Variants in DNAJC5B observed in about 807,000 individuals in gnomAD.
DNAJC5B encodes the protein DnaJ heat shock protein family (Hsp40) member C5 beta.
A neutral mutation model predicts 24.7 loss-of-function variants in DNAJC5B; 23 were observed. The observed-to-expected ratio is 0.93, with a 90% CI of 0.67 to 1.32. The LOEUF is 1.32. Among genes scored for constraint, DNAJC5B ranks in the 40% most tolerant of loss-of-function variants. The pLI is 0.00. For missense variants in DNAJC5B, 238 were observed against 240.8 expected, an observed-to-expected ratio of 0.99 and a Z score of 0.08; for synonymous variants, 101 against 90.1, an observed-to-expected ratio of 1.12 and a Z score of -0.68.
At position 66,100,494 on chromosome 8, in the gene DNAJC5B, A is replaced by G. The variant is rs900251205; in HGVS notation, c.*463A>G. 4 of 152,342 alleles carry G rather than the reference A, an allele frequency of 2.6e-5. No homozygotes were observed. Among genetic ancestry groups the G allele is most frequent in the Admixed American group, 2.0e-4 (3 of 15,290 alleles). The allele number at this position is 152,342 out of a possible 1,614,324, so 9.4% of individuals were successfully genotyped here. ...GGAGCCTCTTCCGTGTCAATATTCA[A>G]TAAAGTTATAGAAATGTTTCAAGAG... On this transcript the variant is annotated 3_prime_UTR_variant, in exon 6 of 6. Coordinates refer to ENST00000276570, the MANE Select transcript of DNAJC5B (RefSeq NM_033105.6).
intron 3 of DNAJC5B, among the ~76,000 whole-genome samples, chr8:66,073,191 A>G (rs948633970): frequency 6.6e-6 from 1 of 152,166 alleles, no homozygotes; most frequent in African/African-American, 2.4e-5. Flanking sequence ...GAAGAATAAA[A>G]AAATCAACAT....
At chr8:66,037,659 A>C (rs1157734312) in intron 1 of DNAJC5B, among the ~76,000 whole-genome samples, 1 of 152,234 alleles carries the variant, frequency 6.6e-6, no homozygotes, top group Non-Finnish European at 1.5e-5. Context: ...CCTTCCGATG[A>C]CACTCAGCAG....
At chr8:66,090,148 C>A (rs1807815324) in intron 5 of DNAJC5B, among the ~76,000 whole-genome samples, 1 of 152,142 alleles carries the variant, frequency 6.6e-6, no homozygotes, top group South Asian at 2.1e-4. Context: ...TTGAAGGCCA[C>A]AATGAAATCA....
intron 5 of DNAJC5B, among the ~76,000 whole-genome samples, chr8:66,087,856 C>T (rs112557700): frequency 5.3e-4 from 80 of 152,292 alleles, no homozygotes; most frequent in African/African-American, 1.8e-3. Context: ...GCTGCCTTTC[C>T]CAGCTGGCAT....
chr8:66,092,200 A>C (rs776334881), intron 5 of DNAJC5B, among the ~76,000 whole-genome samples: 1 of 152,234 alleles, frequency 6.6e-6, no homozygotes, highest in African/African-American at 2.4e-5. Context: ...CAAAATATAT[A>C]GTAGGGGAGA....
chr8:66,091,500 T>C (rs948965118), intron 5 of DNAJC5B, among the ~76,000 whole-genome samples: 28 of 152,136 alleles, frequency 1.8e-4, no homozygotes, highest in Admixed American at 1.8e-3. Context: ...TTCTTGTGGA[T>C]AAGATGGTGA....
chr8:66,051,761 C>T, intron 3 of DNAJC5B, 95 bp downstream of exon 3: 1 of 882,290 alleles, frequency 1.1e-6, no homozygotes, highest in Non-Finnish European at 1.8e-6. Flanking sequence ...CTCACTAAGA[C>T]CAGTAATCCA....
intron 3 of DNAJC5B, among the ~76,000 whole-genome samples, chr8:66,069,482 T>G (rs1159370637): frequency 6.6e-6 from 1 of 151,794 alleles, no homozygotes. Flanking sequence ...ATGATAAAAA[T>G]TTGACACCCT....
Position 66,059,139 on chromosome 8 carries a change from T to C in DNAJC5B, c.119+7473T>C, listed in dbSNP as rs1408925945. 2.0e-5 allele frequency among the ~76,000 whole-genome samples: 3 copies of C among 152,244 alleles called. No individual in the cohort carries two copies. The East Asian group carries it at 5.8e-4, about 29-fold the overall frequency. ...CATTATGGAATAAATCTGCCTTTAGTATTGCAGAGCATAATCATCCCAAAG... is the reference window on the plus strand; with the variant it reads ...CATTATGGAATAAATCTGCCTTTAGCATTGCAGAGCATAATCATCCCAAAG... On this transcript the variant is annotated intron_variant, in intron 3 of 5. Coordinates refer to ENST00000276570, the MANE Select transcript of DNAJC5B (RefSeq NM_033105.6).
intron 3 of DNAJC5B, among the ~76,000 whole-genome samples, chr8:66,074,878 G>T (rs1807427637): frequency 6.6e-6 from 1 of 152,158 alleles, no homozygotes. Flanking sequence ...CCAGGAATTG[G>T]ATGTGTTACA....
chr8:66,056,192 C>T (rs935352259), intron 3 of DNAJC5B, among the ~76,000 whole-genome samples: 1 of 152,060 alleles, frequency 6.6e-6, no homozygotes, highest in Non-Finnish European at 1.5e-5. Context: ...CCAGCTTTTC[C>T]CAATACCCAA....
chr8:66,054,545 T>C (rs888557532), intron 3 of DNAJC5B, among the ~76,000 whole-genome samples: 2 of 152,220 alleles, frequency 1.3e-5, no homozygotes, highest in Admixed American at 6.5e-5. Flanking sequence ...AATGGGAAAT[T>C]CTTTGGGTTA....
At chr8:66,072,241 T>C (rs554305895) in intron 3 of DNAJC5B, among the ~76,000 whole-genome samples, 12 of 152,252 alleles carry the variant, frequency 7.9e-5, no homozygotes, top group Non-Finnish European at 1.8e-4. Flanking sequence ...TATAAGTTTA[T>C]GGGCTTCTAA....
At chr8:66,026,236 G>A (rs547891934) in intron 1 of DNAJC5B, among the ~76,000 whole-genome samples, 1 of 149,612 alleles carries the variant, frequency 6.7e-6, no homozygotes, top group African/African-American at 2.5e-5. Context: ...TCTGTTGTTG[G>A]TGTATAAGAA....
At chr8:66,077,517 G>GTA (rs1188158285) in intron 4 of DNAJC5B, among the ~76,000 whole-genome samples, 1 of 152,104 alleles carries the variant, frequency 6.6e-6, no homozygotes, top group Non-Finnish European at 1.5e-5. Context: ...GGAATCTCTA[G>GTA]TATATATATG....
chr8:66,048,799 T>C (rs1806780833), intron 2 of DNAJC5B, among the ~76,000 whole-genome samples: 1 of 152,202 alleles, frequency 6.6e-6, no homozygotes, highest in African/African-American at 2.4e-5. Context: ...AGTGTTGCTT[T>C]CGGTTCAGGC....
intron 1 of DNAJC5B, among the ~76,000 whole-genome samples, chr8:66,032,571 C>T (rs1029346110): frequency 3.4e-4 from 52 of 152,214 alleles, no homozygotes; most frequent in African/African-American, 1.2e-3. Flanking sequence ...TCCTTTTAAA[C>T]TGCTGTCCTC....
chr8:66,044,321 G>A (rs1378435569), intron 2 of DNAJC5B, among the ~76,000 whole-genome samples: 1 of 152,188 alleles, frequency 6.6e-6, no homozygotes, highest in Non-Finnish European at 1.5e-5. Context: ...CCCAGTGAAT[G>A]CCATGGAAAG....
intron 3 of DNAJC5B, among the ~76,000 whole-genome samples, chr8:66,063,080 T>A (rs780272368): frequency 6.6e-6 from 1 of 152,228 alleles, no homozygotes; most frequent in Non-Finnish European, 1.5e-5. Context: ...CTGTGTCTCA[T>A]GAATAAGCTT....
Sources: gnomAD v4.1 joint callset for allele counts (sites outside exome capture counted in the v4.1 genomes callset) on GRCh38, gnomAD v4.1.1 for gene constraint, MANE v1.5 for transcripts, NCBI Gene and HGNC (gene_info 2026-07-23, HGNC 2026-07-21) for gene names.